TENM4: variants seen among roughly 807,000 people sequenced by gnomAD.
The protein encoded by TENM4 is teneurin transmembrane protein 4.
A neutral mutation model predicts 243.3 loss-of-function variants in TENM4; 82 were observed. The ratio of observed to expected loss-of-function variants is 0.34; its 90% confidence interval spans 0.28 to 0.40. The LOEUF (loss-of-function observed/expected upper bound fraction) is 0.40. Among genes scored for constraint, TENM4 ranks in the 10% least tolerant of loss-of-function variants. The probability of loss-of-function intolerance (pLI) is 1.00; values close to 1 mark genes in which losing one functional copy is unlikely to be tolerated. For missense variants in TENM4, 3,138 were observed against 3,673.3 expected, an observed-to-expected ratio of 0.85 and a Z score of 3.77; for synonymous variants, 1,412 against 1,456.3, an observed-to-expected ratio of 0.97 and a Z score of 0.69.
intron 3 of TENM4, among the ~76,000 whole-genome samples, chr11:79,210,564 T>C (rs570822739): frequency 6.6e-6 from 1 of 152,190 alleles, no homozygotes; most frequent in Non-Finnish European, 1.5e-5. Flanking sequence ...AAAGCGGTCA[T>C]GGGCCTTGAA....
chr11:79,178,354 T>C (rs1863210740), intron 3 of TENM4, among the ~76,000 whole-genome samples: 1 of 152,046 alleles, frequency 6.6e-6, no homozygotes, highest in South Asian at 2.1e-4. Context: ...GCGTCATCGA[T>C]AGATAGATGG....
chr11:79,037,015 C>CAAAAAAA (rs369421583), intron 6 of TENM4, among the ~76,000 whole-genome samples: 36 of 91,122 alleles, frequency 4.0e-4, no homozygotes, highest in East Asian at 1.8e-3. Flanking sequence ...GACTCCATCT[C>CAAAAAAA]AAAAAAAAAA....
At chr11:79,304,883 T>C (rs1215891377) in intron 1 of TENM4, among the ~76,000 whole-genome samples, 1 of 152,212 alleles carries the variant, frequency 6.6e-6, no homozygotes, top group Non-Finnish European at 1.5e-5. Flanking sequence ...AAATAACAGA[T>C]TTTCTTATTT....
chr11:79,420,892 G>T (rs1664894099), intron 1 of TENM4, among the ~76,000 whole-genome samples: 1 of 152,068 alleles, frequency 6.6e-6, no homozygotes, highest in African/African-American at 2.4e-5. Flanking sequence ...GTAGCCTCAG[G>T]GATGATACTT....
At chr11:79,078,286 T>G (rs1462408374) in intron 4 of TENM4, among the ~76,000 whole-genome samples, 1 of 152,150 alleles carries the variant, frequency 6.6e-6, no homozygotes, top group East Asian at 1.9e-4. Flanking sequence ...TCTTTGTGTG[T>G]CAAAAAGGGC....
intron 4 of TENM4, among the ~76,000 whole-genome samples, chr11:79,121,649 A>G (rs1484589561): frequency 1.3e-5 from 2 of 152,184 alleles, no homozygotes; most frequent in Admixed American, 6.5e-5. Context: ...GTAGTGTCCA[A>G]TTACATCCCA....
At chr11:78,768,909 C>A (rs1856593891) in intron 18 of TENM4, among the ~76,000 whole-genome samples, 1 of 152,152 alleles carries the variant, frequency 6.6e-6, no homozygotes, top group African/African-American at 2.4e-5. Context: ...TGAAGTATGG[C>A]AAACAAAGGA....
At chr11:79,152,302 G>C (rs1324759921) in intron 3 of TENM4, among the ~76,000 whole-genome samples, 2 of 152,130 alleles carry the variant, frequency 1.3e-5, no homozygotes, top group Non-Finnish European at 2.9e-5. Flanking sequence ...TTAGAGCTTT[G>C]AAGATAGACA....
rs148915239 is a variant in TENM4 at position 78,830,046 on chromosome 11, A to G, written c.1682-15651T>C. The stretch of plus-strand genomic sequence containing the variant: ...GTTTCTTCCGCCTACACCACAACAC[A>G]CAGGGATGCACCCACATGGACGTAT... On this transcript the variant is annotated intron_variant, in intron 12 of 33. Coordinates refer to ENST00000278550, the MANE Select transcript of TENM4 (RefSeq NM_001098816.3). 1.8e-3 allele frequency among the ~76,000 whole-genome samples: 267 copies of G among 152,280 alleles called. 1 individual carries two copies. Among genetic ancestry groups the G allele is most frequent in the Non-Finnish European group, 3.0e-3 (204 of 68,030 alleles).
In TENM4 at chr11:78,670,080, A is replaced by G. The variant is rs755031203; in HGVS notation, c.6265T>C (p.Phe2089Leu). Residue 2089 changes from phenylalanine (F) to leucine (L), a missense_variant, in exon 32 of 34, where the codon TTC (phenylalanine) becomes CTC (leucine). This residue lies in a region of TENM4 where 2,467 missense variants were observed against 3,059.1 expected (regional missense o/e 0.81). Coordinates refer to ENST00000278550, the MANE Select transcript of TENM4 (RefSeq NM_001098816.3). ...ACAGCCTGCATGCTGGTCACCCGGA[A>G]GCTGTTGTCATAGTTGTAGTCAAAA... is the stretch of plus-strand genomic sequence containing the variant. The part of the protein sequence containing the change: ...ARFDYNYDNS[F>L]RVTSMQAVIN... 5.6e-6 allele frequency: 9 copies of G among 1,613,980 alleles called. No individual in the cohort carries two copies. Among genetic ancestry groups the G allele is most frequent in the Admixed American group, 1.7e-5 (1 of 60,022 alleles).
chr11:79,270,503 C>T (rs891742017), intron 2 of TENM4, among the ~76,000 whole-genome samples: 1 of 152,162 alleles, frequency 6.6e-6, no homozygotes, highest in South Asian at 2.1e-4. Context: ...TTCAAACTCC[C>T]CACATGGTAC....
intron 1 of TENM4, among the ~76,000 whole-genome samples, chr11:79,345,867 T>G (rs1384455373): frequency 1.3e-5 from 2 of 152,190 alleles, no homozygotes; most frequent in Admixed American, 1.3e-4. Context: ...GTGAACAGTT[T>G]TTGAGCTATG....
At chr11:79,178,223 G>C (rs962747746) in intron 3 of TENM4, among the ~76,000 whole-genome samples, 1 of 152,182 alleles carries the variant, frequency 6.6e-6, no homozygotes, top group Non-Finnish European at 1.5e-5. Context: ...TGGCAAGCAG[G>C]TGGGAAAAAA....
intron 29 of TENM4, among the ~76,000 whole-genome samples, chr11:78,677,345 C>T (rs745932253): frequency 2.7e-4 from 40 of 150,524 alleles, no homozygotes; most frequent in Non-Finnish European, 4.7e-4. Context: ...ACCTCATACT[C>T]CTCGGCCCAA....
intron 20 of TENM4, 53 bp downstream of exon 20, chr11:78,738,398 A>T: frequency 1.9e-6 from 3 of 1,577,694 alleles, no homozygotes; most frequent in Non-Finnish European, 2.6e-6. Flanking sequence ...GCTATATGGC[A>T]AGACCACAAG....
At chr11:79,430,729 G>C (rs1357706445) in intron 1 of TENM4, among the ~76,000 whole-genome samples, 11 of 152,202 alleles carry the variant, frequency 7.2e-5, no homozygotes, top group Admixed American at 7.2e-4. Flanking sequence ...AAGGTCCCAT[G>C]GCAAGGAGGT....
At position 78,702,291 on chromosome 11, in the gene TENM4, A is replaced by G. The variant is rs745499494; in HGVS notation, c.4322T>C (p.Val1441Ala). ...CTGGCAGTGCATGGGCCTCCCGGCG[A>G]CAATGCGCACCTGGTGGTTTTCAGA... Reference protein sequence around the residue: ...QISENHQVRIVAGRPMHCQVP... With the variant: ...QISENHQVRIAAGRPMHCQVP... Residue 1441 changes from valine to alanine, a missense_variant, in exon 28 of 34, where the codon GTC becomes GCC. Val to Ala is a moderately conservative substitution (Grantham distance 64). Around this residue, in one of 2 missense-constraint regions of TENM4, gnomAD observed 2,467 missense variants for 3,059.1 expected, o/e 0.81. Coordinates refer to ENST00000278550, the MANE Select transcript of TENM4 (RefSeq NM_001098816.3). The G allele has an allele frequency of 1.2e-6, 2 of 1,614,076 alleles. No homozygotes were observed. Among genetic ancestry groups the G allele is most frequent in the South Asian group, 2.2e-5 (2 of 91,086 alleles).
intron 1 of TENM4, among the ~76,000 whole-genome samples, chr11:79,333,478 A>T (rs762206576): frequency 3.9e-5 from 6 of 152,314 alleles, no homozygotes; most frequent in Non-Finnish European, 8.8e-5. Flanking sequence ...ATTACCCAGA[A>T]TGGAAAGTGA....
intron 3 of TENM4, among the ~76,000 whole-genome samples, chr11:79,213,612 C>G (rs1863992495): frequency 6.6e-6 from 1 of 152,148 alleles, no homozygotes; most frequent in Non-Finnish European, 1.5e-5. Context: ...ACGTGGAAGG[C>G]CCCCATGTGG....
Sources: gnomAD v4.1 joint callset for allele counts (sites outside exome capture counted in the v4.1 genomes callset) on GRCh38, gnomAD v4.1.1 for gene constraint, gnomAD v4.1.1 regional missense constraint, MANE v1.5 for transcripts, NCBI Gene and HGNC (gene_info 2026-07-23, HGNC 2026-07-21) for gene names.